GNG2: variants seen among roughly 807,000 people sequenced by gnomAD.
GNG2 encodes the protein guanine nucleotide-binding protein G(I)/G(S)/G(O) subunit gamma-2.
In GNG2, 5 loss-of-function variants were observed where a neutral mutation model predicts 5.5. That is an observed-to-expected ratio of 0.91 (90% CI 0.48 to 1.92). The LOEUF (loss-of-function observed/expected upper bound fraction) is 1.92, where lower values mean the gene tolerates loss of function less well. Among genes scored for constraint, GNG2 ranks in the 30% most tolerant of loss-of-function variants. GNG2 has a pLI of 0.01. For missense variants in GNG2, 55 were observed against 88.4 expected, an observed-to-expected ratio of 0.62 and a Z score of 1.52; for synonymous variants, 28 against 32.0, an observed-to-expected ratio of 0.88 and a Z score of 0.42.
At chr14:51,849,609 T>G (rs1298073594) in intron 2 of GNG2, among the ~76,000 whole-genome samples, 1 of 152,264 alleles carries the variant, frequency 6.6e-6, no homozygotes, top group East Asian at 1.9e-4. Context: ...CACTGCTTTA[T>G]TTTTCTTCTC....
At chr14:51,907,803 G>A (rs529921279) in intron 2 of GNG2, among the ~76,000 whole-genome samples, 2 of 152,258 alleles carry the variant, frequency 1.3e-5, no homozygotes, top group South Asian at 4.2e-4. Flanking sequence ...ATCCTCCTGA[G>A]GAGAGAACAG....
intron 2 of GNG2, among the ~76,000 whole-genome samples, chr14:51,949,404 G>C (rs563056924): frequency 9.9e-5 from 15 of 152,238 alleles, no homozygotes; most frequent in African/African-American, 3.6e-4. Flanking sequence ...AAAAATCTAT[G>C]TACAGAATTT....
At chr14:51,896,644 T>C (rs554540890) in intron 2 of GNG2, among the ~76,000 whole-genome samples, 2 of 152,228 alleles carry the variant, frequency 1.3e-5, no homozygotes, top group South Asian at 4.1e-4. Context: ...TGTGTTTGTG[T>C]GCAGATTTGA....
chr14:51,869,913 G>A (rs1222658577), intron 1 of GNG2, among the ~76,000 whole-genome samples: 2 of 152,198 alleles, frequency 1.3e-5, no homozygotes, highest in Non-Finnish European at 2.9e-5. Context: ...GAACCACTGT[G>A]ATTGGCTAAT....
At chr14:51,898,764 C>T (rs1885364273) in intron 2 of GNG2, among the ~76,000 whole-genome samples, 1 of 152,232 alleles carries the variant, frequency 6.6e-6, no homozygotes, top group South Asian at 2.1e-4. Flanking sequence ...TCCCGGCCAA[C>T]TGCTCCTGGA....
chr14:51,881,516 A>G (rs770287635), intron 2 of GNG2, among the ~76,000 whole-genome samples: 2 of 152,102 alleles, frequency 1.3e-5, no homozygotes, highest in Non-Finnish European at 2.9e-5. Context: ...CCGTAGCAAA[A>G]CCACACTGAG....
chr14:51,920,037 G>C (rs757544005), intron 2 of GNG2, among the ~76,000 whole-genome samples: 6 of 152,128 alleles, frequency 3.9e-5, no homozygotes, highest in Non-Finnish European at 8.8e-5. Context: ...AAAATCCATG[G>C]ATACTCAAGT....
intron 2 of GNG2, among the ~76,000 whole-genome samples, chr14:51,928,223 G>C (rs1887448730): frequency 6.6e-6 from 1 of 151,790 alleles, no homozygotes; most frequent in Non-Finnish European, 1.5e-5. Context: ...GTAGAGACGG[G>C]GTTTCACCAT....
upstream of GNG2, among the ~76,000 whole-genome samples, chr14:51,857,250 T>C (rs1882206933): frequency 1.3e-5 from 2 of 152,058 alleles, no homozygotes; most frequent in Admixed American, 1.3e-4. Flanking sequence ...TCCTAAAGGA[T>C]AAGTAGGGGT....
intron 2 of GNG2, among the ~76,000 whole-genome samples, chr14:51,888,041 G>A (rs1056326750): frequency 8.5e-5 from 13 of 152,048 alleles, no homozygotes; most frequent in African/African-American, 2.7e-4. Context: ...TATTCAAAGT[G>A]TATGATTTGA....
chr14:51,841,729 A>G (rs17124603), intron 2 of GNG2, among the ~76,000 whole-genome samples: 34,332 of 152,082 alleles, frequency 0.23, 4,604 homozygotes, highest in African/African-American at 0.36. Flanking sequence ...ATTGTGAAAT[A>G]GACATGACTT....
intron 1 of GNG2, among the ~76,000 whole-genome samples, chr14:51,867,639 GTT>G (rs1484663925): frequency 6.6e-6 from 1 of 152,246 alleles, no homozygotes; most frequent in East Asian, 1.9e-4. Context: ...GGGCTGACTT[GTT>G]TTTTGAGTTC....
At chr14:51,839,405 G>C (rs1881423461) in intron 2 of GNG2, among the ~76,000 whole-genome samples, 1 of 152,190 alleles carries the variant, frequency 6.6e-6, no homozygotes, top group Non-Finnish European at 1.5e-5. Context: ...TTCGAGTTCT[G>C]TCTGCCCTTT....
chr14:51,929,298 G>A (rs1398996037), intron 2 of GNG2, among the ~76,000 whole-genome samples: 1 of 152,178 alleles, frequency 6.6e-6, no homozygotes, highest in Non-Finnish European at 1.5e-5. Context: ...GCCACGGACT[G>A]TTTCTGTTCA....
chr14:51,956,107 A>T (rs1889260727), intron 3 of GNG2, among the ~76,000 whole-genome samples: 1 of 152,236 alleles, frequency 6.6e-6, no homozygotes, highest in South Asian at 2.1e-4. Context: ...AATGGAATAC[A>T]ATCCTCCTTC....
chr14:51,901,447 G>A (rs1266279848), intron 2 of GNG2, among the ~76,000 whole-genome samples: 2 of 151,990 alleles, frequency 1.3e-5, no homozygotes, highest in African/African-American at 4.8e-5. Flanking sequence ...GCCTGCCTAG[G>A]CCTCCCAAAG....
chr14:51,939,930 C>G (rs1888218179), intron 2 of GNG2: 1 of 152,256 alleles, frequency 6.6e-6, no homozygotes, highest in Admixed American at 6.5e-5. Context: ...ACCCTTCTGA[C>G]GAATGTGCTG....
At chr14:51,920,871 G>C (rs1459317860) in intron 2 of GNG2, among the ~76,000 whole-genome samples, 2 of 152,186 alleles carry the variant, frequency 1.3e-5, no homozygotes, top group Non-Finnish European at 2.9e-5. Flanking sequence ...CATGGGAGCT[G>C]GGCTGCTTAG....
Position 51,966,855 on chromosome 14 carries a change from C to T in GNG2, c.*168C>T. On this transcript the variant is annotated 3_prime_UTR_variant, in exon 4 of 4. Transcript: ENST00000556766. ...AGATCTGGTCCCCTTTATGAGAATG[C>T]AAGCCGATCCACATCCTGACTTAAG... is the stretch of plus-strand genomic sequence containing the variant. The T allele has an allele frequency of 1.9e-6, 1 of 523,354 alleles. No homozygotes were observed. 32.4% of individuals were successfully genotyped at this position (523,354 alleles called of 1,614,324 possible).
Sources: gnomAD v4.1 joint callset for allele counts (sites outside exome capture counted in the v4.1 genomes callset) on GRCh38, gnomAD v4.1.1 for gene constraint, MANE v1.5 for transcripts, NCBI Gene and HGNC (gene_info 2026-07-23, HGNC 2026-07-21) for gene names.